NPSR1: variants seen among roughly 807,000 people sequenced by gnomAD.
NPSR1 encodes neuropeptide S receptor.
Under a neutral mutation model 46.9 loss-of-function variants are expected in NPSR1, and 48 were observed. That is an observed-to-expected ratio of 1.02 (90% confidence interval 0.81 to 1.30). NPSR1 has a LOEUF of 1.30. Ranked by LOEUF, NPSR1 falls within the 50% of genes most tolerant of loss-of-function variation. The pLI is 0.00. For synonymous variants in NPSR1, 176 were observed against 168.1 expected (o/e 1.05, Z -0.36); for missense variants, 450 against 449.5 (o/e 1.00, Z -0.01).
intron 2 of NPSR1, among the ~76,000 whole-genome samples, chr7:34,723,719 C>G (rs1365425630): frequency 6.6e-6 from 1 of 152,076 alleles, no homozygotes. Context: ...GTTTCCAAGG[C>G]TAGACTTGAA....
At chr7:34,872,593 G>T (rs1264005380) in intron 8 of NPSR1, among the ~76,000 whole-genome samples, 1 of 151,782 alleles carries the variant, frequency 6.6e-6, no homozygotes, top group Admixed American at 6.5e-5. Flanking sequence ...CAGGAAAAAG[G>T]GTTTAATGGA....
In NPSR1 at chr7:34,724,109, C is replaced by G. The variant is rs182293266; in HGVS notation, c.280+39425C>G. ...TTTCACCTTTGCTTTCAAAATCACC[C>G]AAACCTGAATTACTAGCTCATTTCT... On this transcript the variant is annotated intron_variant, in intron 2 of 8. Coordinates refer to ENST00000360581, the MANE Select transcript of NPSR1 (RefSeq NM_207172.2). 5.9e-5 allele frequency among the ~76,000 whole-genome samples: 9 copies of G among 152,256 alleles called. No individual in the cohort carries two copies. In the East Asian group the frequency reaches 1.7e-3, roughly 29 times the overall value.
intron 4 of NPSR1, among the ~76,000 whole-genome samples, chr7:34,812,622 C>T (rs932217378): frequency 1.3e-5 from 2 of 152,166 alleles, no homozygotes; most frequent in African/African-American, 4.8e-5. Flanking sequence ...AGCAGTAATG[C>T]CCTAGAGGAA....
intron 2 of NPSR1, among the ~76,000 whole-genome samples, chr7:34,696,060 C>A: frequency 7.1e-6 from 1 of 141,394 alleles, no homozygotes; most frequent in Admixed American, 7.4e-5. Flanking sequence ...GCTCAGTCTC[C>A]AGCAATGGTT....
At chr7:34,777,585 C>CT (rs1207657421) in intron 2 of NPSR1, among the ~76,000 whole-genome samples, 1 of 151,386 alleles carries the variant, frequency 6.6e-6, no homozygotes, top group Admixed American at 6.6e-5. Flanking sequence ...TACAAAGCTA[C>CT]TTTTTTTGTG....
intron 1 of NPSR1, among the ~76,000 whole-genome samples, chr7:34,672,453 A>T (rs1165198588): frequency 6.6e-6 from 1 of 152,202 alleles, no homozygotes; most frequent in African/African-American, 2.4e-5. Context: ...CAGAAAACTG[A>T]ATTCGAAAGT....
chr7:34,785,469 C>A, intron 3 of NPSR1, among the ~76,000 whole-genome samples: 1 of 151,248 alleles, frequency 6.6e-6, no homozygotes, highest in East Asian at 2.0e-4. Context: ...CAGCATGGCA[C>A]ATGTATACAT....
At chr7:34,858,869 G>A (rs1044559318) in intron 8 of NPSR1, among the ~76,000 whole-genome samples, 1 of 151,802 alleles carries the variant, frequency 6.6e-6, no homozygotes, top group Admixed American at 6.5e-5. Context: ...ATCTGGGGGG[G>A]GGACACAGAT....
At chr7:34,808,487 T>C (rs1229693372) in intron 3 of NPSR1, among the ~76,000 whole-genome samples, 2 of 152,210 alleles carry the variant, frequency 1.3e-5, no homozygotes, top group Non-Finnish European at 2.9e-5. Flanking sequence ...ACTCTGTCCC[T>C]TCACTCAACT....
chr7:34,815,849 T>C (rs550158528), intron 4 of NPSR1, among the ~76,000 whole-genome samples: 1 of 152,284 alleles, frequency 6.6e-6, no homozygotes, highest in South Asian at 2.1e-4. Flanking sequence ...TAAAATCCTT[T>C]ACAGAAAAAC....
At chr7:34,861,472 G>A (rs1484085301) in intron 8 of NPSR1, among the ~76,000 whole-genome samples, 1 of 151,646 alleles carries the variant, frequency 6.6e-6, no homozygotes, top group Non-Finnish European at 1.5e-5. Flanking sequence ...CCGACTATCT[G>A]GCATTTTTCT....
At chr7:34,751,936 G>T (rs1011589341) in intron 2 of NPSR1, 1 of 1,285,448 alleles carries the variant, frequency 7.8e-7, no homozygotes, top group Non-Finnish European at 1.1e-6. Context: ...TGTTCCTGAG[G>T]CAACTGGAAG....
intron 8 of NPSR1, among the ~76,000 whole-genome samples, chr7:34,875,431 C>T (rs1288627736): frequency 3.9e-5 from 6 of 152,184 alleles, no homozygotes; most frequent in East Asian, 1.9e-4. Context: ...TAGCTGCTTC[C>T]GGCGCCCTAC....
chr7:34,699,496 G>A (rs1793709657), intron 2 of NPSR1, among the ~76,000 whole-genome samples: 3 of 152,162 alleles, frequency 2.0e-5, no homozygotes, highest in Non-Finnish European at 2.9e-5. Context: ...TATAAACTGT[G>A]TGGCTCAAAC....
intron 3 of NPSR1, among the ~76,000 whole-genome samples, chr7:34,807,074 G>T (rs1383180306): frequency 6.6e-6 from 1 of 152,038 alleles, no homozygotes; most frequent in Non-Finnish European, 1.5e-5. Context: ...TTTCATTGTT[G>T]ACATTTATGA....
intron 2 of NPSR1, among the ~76,000 whole-genome samples, chr7:34,694,253 A>G (rs990880201): frequency 3.9e-5 from 6 of 152,172 alleles, no homozygotes; most frequent in Admixed American, 6.5e-5. Context: ...ATACTTAGAA[A>G]ACACTCTACA....
intron 2 of NPSR1, among the ~76,000 whole-genome samples, chr7:34,741,328 T>C (rs1449954563): frequency 6.6e-6 from 1 of 152,210 alleles, no homozygotes; most frequent in Non-Finnish European, 1.5e-5. Flanking sequence ...GGTCTTCTCA[T>C]GTTTTTTTTG....
chr7:34,809,684 G>C (rs960816982), intron 3 of NPSR1, among the ~76,000 whole-genome samples: 27 of 152,050 alleles, frequency 1.8e-4, no homozygotes, highest in African/African-American at 5.8e-4. Flanking sequence ...GGGATGGTCT[G>C]GATCTCCTGA....
In NPSR1 at chr7:34,789,662, G is replaced by A. The variant is rs370552195; in HGVS notation, c.384+11097G>A. 2.5e-4 allele frequency among the ~76,000 whole-genome samples: 36 copies of A among 145,352 alleles called. No individual in the cohort carries two copies. In the South Asian group the frequency reaches 4.0e-3, roughly 16 times the overall value. On this transcript the variant is annotated intron_variant, in intron 3 of 8. Transcript: ENST00000360581. Reference sequence around the variant, plus strand: ...ACAAAAATTAGCCAGGTGTGGTGGCGGGCCCCTGTAATCCCAACTACTCAG... The same window carrying A: ...ACAAAAATTAGCCAGGTGTGGTGGCAGGCCCCTGTAATCCCAACTACTCAG...
Sources: gnomAD v4.1 joint callset for allele counts (sites outside exome capture counted in the v4.1 genomes callset) on GRCh38, gnomAD v4.1.1 for gene constraint, MANE v1.5 for transcripts, NCBI Gene and HGNC (gene_info 2026-07-23, HGNC 2026-07-21) for gene names.